The following NUAK1 variants were observed in gnomAD, a reference collection of about 807,000 sequenced individuals.
The protein encoded by NUAK1 is NUAK family SNF1-like kinase 1.
Under a neutral mutation model 56.9 loss-of-function variants are expected in NUAK1, and 26 were observed. The ratio of observed to expected loss-of-function variants is 0.46; its 90% CI spans 0.33 to 0.63. The LOEUF is 0.63. Among genes scored for constraint, NUAK1 ranks in the 30% least tolerant of loss-of-function variants. The probability of loss-of-function intolerance (pLI) is 0.02; values close to 1 mark genes in which losing one functional copy is unlikely to be tolerated. For missense variants in NUAK1, 727 were observed against 876.1 expected, an observed-to-expected ratio of 0.83 and a Z score of 2.15; for synonymous variants, 337 against 336.0, an observed-to-expected ratio of 1.00 and a Z score of -0.03.
Position 106,067,078 on chromosome 12 carries a change from A to C in NUAK1, c.1710T>G (p.Ser570Arg). Residue 570 changes from serine to arginine, a missense_variant, in exon 7 of 7, where the codon AGT becomes AGG. Transcript: ENST00000261402. This position sits in a 1 kb window ranked among gnomAD's most constrained non-coding sequence, Gnocchi z 6.0. ...GLSRSYSRPS[S>R]VISDDSVLSS... ...ACAGCACGCTGTCATCGCTGATGACACTGGAAGGGCGGCTGTAGCTCCGGG... is the reference window on the plus strand; with the variant it reads ...ACAGCACGCTGTCATCGCTGATGACCCTGGAAGGGCGGCTGTAGCTCCGGG... 1 of 1,614,176 alleles carries C rather than the reference A, an allele frequency of 6.2e-7. No homozygotes were observed. The highest frequency in any genetic ancestry group is 8.5e-7 in the Non-Finnish European group (1 of 1,180,016).
chr12:106,137,873 A>G (rs2033144322), intron 1 of NUAK1, among the ~76,000 whole-genome samples: 1 of 152,236 alleles, frequency 6.6e-6, no homozygotes, highest in African/African-American at 2.4e-5. Context: ...AAAAACAGGC[A>G]AGAGTCGCCC....
intron 5 of NUAK1, 24 bp from the exon 6 acceptor site, chr12:106,070,930 T>C (rs765235042): frequency 1.1e-5 from 17 of 1,613,442 alleles, no homozygotes; most frequent in East Asian, 4.5e-5. Context: ...ACAGCACATA[T>C]AGGAGAGCTG....
In NUAK1 at chr12:106,110,954, T is replaced by A. The variant is rs1349745899; in HGVS notation, c.241-4429A>T. Among the ~76,000 whole-genome samples, 3 of 152,276 alleles carry A rather than the reference T, an allele frequency of 2.0e-5. No homozygotes were observed. The East Asian group carries it at 5.8e-4, about 29-fold the overall frequency. ...TGAATAATCACCAAAAACCACCTGC[T>A]CTGTGGCCTGCTGGGCATCCTCTCC... On this transcript the variant is annotated intron_variant, in intron 1 of 6. Transcript: ENST00000261402.
chr12:106,094,395 G>T (rs2032671952), intron 2 of NUAK1, among the ~76,000 whole-genome samples: 1 of 152,190 alleles, frequency 6.6e-6, no homozygotes, highest in Non-Finnish European at 1.5e-5. Context: ...TTCTTTGAAA[G>T]ACTGTCTGCA....
At chr12:106,131,549 C>T (rs895022502) in intron 1 of NUAK1, among the ~76,000 whole-genome samples, 2 of 152,104 alleles carry the variant, frequency 1.3e-5, no homozygotes, top group African/African-American at 4.8e-5. Context: ...GAATAACAGT[C>T]CAAAAATATT....
At chr12:106,134,908 A>G (rs2033115096) in intron 1 of NUAK1, among the ~76,000 whole-genome samples, 3 of 152,156 alleles carry the variant, frequency 2.0e-5, no homozygotes, top group Admixed American at 2.0e-4. Flanking sequence ...TATTTATTTT[A>G]TTACTCTGAA....
intron 4 of NUAK1, 99 bp downstream of exon 4, chr12:106,083,765 G>C: frequency 1.0e-6 from 1 of 991,782 alleles, no homozygotes; most frequent in Non-Finnish European, 1.6e-6. Flanking sequence ...GGTAGGAAGT[G>C]GCTGCCTTAT....
At chr12:106,129,919 AT>A (rs1283917534) in intron 1 of NUAK1, among the ~76,000 whole-genome samples, 1 of 152,124 alleles carries the variant, frequency 6.6e-6, no homozygotes, top group Non-Finnish European at 1.5e-5. Flanking sequence ...GCAGGACAGA[AT>A]TTGAACCCAA....
At chr12:106,113,571 T>G (rs2032886690) in intron 1 of NUAK1, among the ~76,000 whole-genome samples, 1 of 151,588 alleles carries the variant, frequency 6.6e-6, no homozygotes, top group South Asian at 2.1e-4. Context: ...CCCAGGTGAT[T>G]CTGCTGCACT....
chr12:106,086,658 T>C, intron 3 of NUAK1, 76 bp downstream of exon 3: 1 of 1,485,742 alleles, frequency 6.7e-7, no homozygotes. Context: ...AGATATCACT[T>C]TTATAATAGG....
chr12:106,121,831 C>T (rs17744427), intron 1 of NUAK1, among the ~76,000 whole-genome samples: 8,302 of 152,116 alleles, frequency 0.055, 302 homozygotes, highest in Middle Eastern at 0.099. Context: ...GCTGACAGAA[C>T]GGGTTGGTGG....
At chr12:106,101,845 A>G (rs908526473) in intron 2 of NUAK1, among the ~76,000 whole-genome samples, 1 of 152,142 alleles carries the variant, frequency 6.6e-6, no homozygotes, top group African/African-American at 2.4e-5. Flanking sequence ...AGTTCTACAG[A>G]TGGCAGGATG....
intron 1 of NUAK1, among the ~76,000 whole-genome samples, chr12:106,111,453 T>C (rs948014515): frequency 1.6e-4 from 24 of 152,082 alleles, no homozygotes; most frequent in Admixed American, 4.6e-4. Flanking sequence ...GCAGGTTGTA[T>C]GTCGTCGAGG....
At chr12:106,080,718 A>G (rs895948797) in intron 4 of NUAK1, among the ~76,000 whole-genome samples, 10 of 152,332 alleles carry the variant, frequency 6.6e-5, no homozygotes, top group Non-Finnish European at 1.2e-4. Context: ...AGTAGCATTT[A>G]TATAGGCTTC....
chr12:106,086,761 G>A lies in NUAK1; in HGVS notation c.486C>T (p.Ile162=), dbSNP rs267603280. The A allele has an allele frequency of 5.6e-6, 9 of 1,613,948 alleles. No individual in the cohort carries two copies. The highest frequency in any genetic ancestry group is 2.2e-5 in the East Asian group (1 of 44,896). Residue 162 remains isoleucine (I), a synonymous_variant, in exon 3 of 7, where the codon ATC becomes ATT. Transcript: ENST00000261402. ...ERETRHFFRQ[I]VSAVHYCHKN... ...TGTGACAATAGTGCACAGCAGAGAC[G>A]ATCTGCCGGAAGAAGTGCCGGGTCT...
At chr12:106,091,627 C>A (rs767985300) in intron 2 of NUAK1, among the ~76,000 whole-genome samples, 2 of 152,190 alleles carry the variant, frequency 1.3e-5, no homozygotes, top group Non-Finnish European at 2.9e-5. Context: ...CCACAAGGAG[C>A]TGCAGGTGAG....
intron 3 of NUAK1, among the ~76,000 whole-genome samples, chr12:106,086,497 T>C (rs2032571675): frequency 6.6e-6 from 1 of 151,936 alleles, no homozygotes; most frequent in Admixed American, 6.6e-5. Context: ...AAAGTTTACA[T>C]AAAAAAATAA....
At chr12:106,074,944 A>G (rs1157017276) in intron 4 of NUAK1, among the ~76,000 whole-genome samples, 2 of 152,092 alleles carry the variant, frequency 1.3e-5, no homozygotes, top group South Asian at 2.1e-4. Context: ...GTGCCCTGTC[A>G]ATCAGAAGAG....
chr12:106,102,848 T>TGA (rs1404604543), intron 2 of NUAK1, among the ~76,000 whole-genome samples: 1 of 152,248 alleles, frequency 6.6e-6, no homozygotes, highest in African/African-American at 2.4e-5. Context: ...CCTCCTGATG[T>TGA]GAGACCTCAA....
Sources: allele counts gnomAD v4.1 joint callset (sites outside exome capture counted in the v4.1 genomes callset), GRCh38; gene constraint gnomAD v4.1.1; non-coding constraint Gnocchi (gnomAD v3.1); transcripts MANE v1.5; gene names NCBI Gene and HGNC (gene_info 2026-07-23, HGNC 2026-07-21).